The following SHANK2 variants were observed in gnomAD, a reference collection of about 807,000 sequenced individuals.
SHANK2 encodes the protein SH3 and multiple ankyrin repeat domains 2.
In SHANK2, 43 loss-of-function variants were observed where a neutral mutation model predicts 133.7. The observed-to-expected ratio is 0.32, with a 90% CI of 0.25 to 0.41. The LOEUF (loss-of-function observed/expected upper bound fraction) is 0.41. SHANK2 is among the 10% of genes least tolerant of loss of function. The pLI is 1.00. For synonymous variants in SHANK2, 1,017 were observed against 952.8 expected, an observed-to-expected ratio of 1.07 and a Z score of -1.24; for missense variants, 1,994 against 2,235.8, an observed-to-expected ratio of 0.89 and a Z score of 2.18.
intron 2 of SHANK2, among the ~76,000 whole-genome samples, chr11:71,206,793 T>G (rs973125391): frequency 5.9e-5 from 9 of 151,774 alleles, no homozygotes; most frequent in Non-Finnish European, 1.2e-4. Flanking sequence ...GTAAAAAAAC[T>G]AGATGGACAT....
At chr11:70,689,848 G>C (rs1261680812) in intron 15 of SHANK2, among the ~76,000 whole-genome samples, 2 of 152,188 alleles carry the variant, frequency 1.3e-5, no homozygotes, top group Non-Finnish European at 2.9e-5. Context: ...GAGAATTTCA[G>C]CATTCCTCTC....
At position 70,482,937 on chromosome 11, in the gene SHANK2, G is replaced by C. The variant is rs368615660; in HGVS notation, c.4979+2377C>G. ...GGCACCCCAGGAGCTGGCCCAGCCT[G>C]AAGACGAGTAGAGGGGATGAGCTGT... is the stretch of plus-strand genomic sequence containing the variant. On this transcript the variant is annotated intron_variant, in intron 25 of 25. Coordinates refer to ENST00000601538, the MANE Select transcript of SHANK2 (RefSeq NM_012309.5). Among the ~76,000 whole-genome samples the C allele has an allele frequency of 3.2e-4, 49 of 152,346 alleles. No individual in the cohort carries two copies. The South Asian group carries it at 5.0e-3, about 15-fold the overall frequency.
At chr11:71,089,854 T>A (rs947921109) in intron 8 of SHANK2, among the ~76,000 whole-genome samples, 1,956 of 152,154 alleles carry the variant, frequency 0.013, 55 homozygotes, top group African/African-American at 0.045. Context: ...GGCAGGGCCA[T>A]CTGGGGCTGG....
chr11:70,774,559 A>T (rs1947322349), intron 14 of SHANK2, among the ~76,000 whole-genome samples: 1 of 152,134 alleles, frequency 6.6e-6, no homozygotes. Flanking sequence ...ACCTCAGGTG[A>T]TCCGCCCGCC....
intron 14 of SHANK2, among the ~76,000 whole-genome samples, chr11:70,793,339 T>C (rs1414952103): frequency 5.9e-5 from 9 of 152,194 alleles, no homozygotes; most frequent in African/African-American, 2.2e-4. Context: ...TTTTGGTATA[T>C]GATGTGAGGT....
chr11:70,740,312 G>A lies in SHANK2; in HGVS notation c.1778-41549C>T, dbSNP rs557478278. ...TAAAGGTTGTCCGCAATGGGTTCTC[G>A]TGACAACCCATGAGAAGGGCTCCCT... On this transcript the variant is annotated intron_variant, in intron 14 of 25. Transcript: ENST00000601538. 4.6e-5 allele frequency among the ~76,000 whole-genome samples: 7 copies of A among 152,304 alleles called. No individual in the cohort carries two copies. In the East Asian group the frequency reaches 7.7e-4, roughly 17 times the overall value.
chr11:70,919,439 T>C (rs1950317139), intron 10 of SHANK2, among the ~76,000 whole-genome samples: 1 of 151,832 alleles, frequency 6.6e-6, no homozygotes, highest in South Asian at 2.1e-4. Flanking sequence ...TGGGATGCAG[T>C]GGCACGATCT....
intron 14 of SHANK2, among the ~76,000 whole-genome samples, chr11:70,774,086 A>C (rs1020283398): frequency 8.5e-5 from 13 of 152,252 alleles, no homozygotes; most frequent in Non-Finnish European, 1.9e-4. Context: ...AATAGAAACA[A>C]AGTATGGTAT....
At chr11:71,225,982 G>A (rs1165600026) in intron 1 of SHANK2, among the ~76,000 whole-genome samples, 4 of 152,130 alleles carry the variant, frequency 2.6e-5, no homozygotes, top group African/African-American at 9.7e-5. Context: ...ACTTAGCCGG[G>A]TTGGTGGTGG....
intron 17 of SHANK2, among the ~76,000 whole-genome samples, chr11:70,548,251 C>G (rs1174404353): frequency 2.0e-5 from 3 of 152,208 alleles, no homozygotes; most frequent in Non-Finnish European, 4.4e-5. Flanking sequence ...TTCCAGTTTT[C>G]TCCTGTGATT....
intron 17 of SHANK2, among the ~76,000 whole-genome samples, chr11:70,562,676 C>G (rs781949981): frequency 3.9e-5 from 6 of 152,062 alleles, no homozygotes; most frequent in Non-Finnish European, 8.8e-5. Flanking sequence ...GCGAGTGCTC[C>G]TTGGAGGTGA....
rs552963001 is a variant in SHANK2, at chr11:71,172,728, C to A, written c.-12-25390G>T. ...AATAACTCTCAGGGCACATGTACCC[C>A]CTAAAGGCACTCCCCCATGAGAGAA... On this transcript the variant is annotated intron_variant, in intron 2 of 25. Transcript: ENST00000601538. Among the ~76,000 whole-genome samples, 118 of 152,302 alleles carry A rather than the reference C, an allele frequency of 7.7e-4. 1 individual carries two copies. Among genetic ancestry groups the A allele is most frequent in the Non-Finnish European group, 1.3e-3 (87 of 68,026 alleles).
intron 17 of SHANK2, among the ~76,000 whole-genome samples, chr11:70,646,615 C>T (rs1173689475): frequency 4.6e-5 from 7 of 152,208 alleles, no homozygotes; most frequent in Non-Finnish European, 8.8e-5. Context: ...GTTTCACCAA[C>T]CACTAGGCTC....
intron 12 of SHANK2, among the ~76,000 whole-genome samples, chr11:70,809,137 GC>G (rs1948228044): frequency 6.6e-6 from 1 of 152,196 alleles, no homozygotes; most frequent in Non-Finnish European, 1.5e-5. Flanking sequence ...GAGGAAGTTG[GC>G]CAGAAATTCA....
chr11:70,476,813 C>A (rs1353018479), intron 25 of SHANK2, among the ~76,000 whole-genome samples: 1 of 152,206 alleles, frequency 6.6e-6, no homozygotes, highest in East Asian at 1.9e-4. Flanking sequence ...GCAGCTCCAC[C>A]GTGGCAGCAT....
At chr11:70,730,026 T>A (rs1946253455) in intron 14 of SHANK2, among the ~76,000 whole-genome samples, 1 of 152,082 alleles carries the variant, frequency 6.6e-6, no homozygotes, top group South Asian at 2.1e-4. Flanking sequence ...GGTTTTCTCC[T>A]TTGTCATGAT....
intron 14 of SHANK2, among the ~76,000 whole-genome samples, chr11:70,719,129 C>T (rs889358916): frequency 1.3e-5 from 2 of 152,340 alleles, no homozygotes; most frequent in East Asian, 1.9e-4. Context: ...CTCGCCGTGG[C>T]GCAGTGAACG....
In SHANK2 at chr11:70,519,203, G is replaced by A. The variant is rs536400245; in HGVS notation, c.2062-16272C>T. Reference sequence around the variant, plus strand: ...ATCATAGGCATGAGCACTGCACCCAGCCACACTAATTTTTAAGAAGAAACT... The same window carrying A: ...ATCATAGGCATGAGCACTGCACCCAACCACACTAATTTTTAAGAAGAAACT... On this transcript the variant is annotated intron_variant, in intron 17 of 25. Transcript: ENST00000601538. 9.9e-5 allele frequency among the ~76,000 whole-genome samples: 15 copies of A among 152,250 alleles called. No individual in the cohort carries two copies. In the South Asian group the frequency reaches 3.1e-3, roughly 32 times the overall value.
At position 70,795,551 on chromosome 11, in the gene SHANK2, G is replaced by A. The variant is rs117240298; in HGVS notation, c.1777+2892C>T. Among the ~76,000 whole-genome samples, 895 of 152,122 alleles carry A rather than the reference G, an allele frequency of 5.9e-3. 19 individuals are homozygous for A. The East Asian group carries it at 0.067, about 11-fold the overall frequency. ...CTCCCGAGGAGCTGGGACTACAGGT[G>A]CATGGCACCATGTCCGGCTAATTTT... On this transcript the variant is annotated intron_variant, in intron 14 of 25. Coordinates refer to ENST00000601538, the MANE Select transcript of SHANK2 (RefSeq NM_012309.5).
Sources: allele counts gnomAD v4.1 joint callset (sites outside exome capture counted in the v4.1 genomes callset), GRCh38; gene constraint gnomAD v4.1.1; transcripts MANE v1.5; gene names NCBI Gene and HGNC (gene_info 2026-07-23, HGNC 2026-07-21).